GPR55: variants seen among roughly 807,000 people sequenced by gnomAD.
The protein encoded by GPR55 is G-protein coupled receptor 55.
In GPR55, 6 loss-of-function variants were observed where a neutral mutation model predicts 7.9. That is an observed-to-expected ratio of 0.76 (90% CI 0.41 to 1.49). The LOEUF is 1.49. Ranked by LOEUF, GPR55 falls within the 40% of genes most tolerant of loss-of-function variation. The probability of loss-of-function intolerance (pLI) is 0.01; values close to 1 mark genes in which losing one functional copy is unlikely to be tolerated. For missense variants in GPR55, 376 were observed against 406.0 expected, an observed-to-expected ratio of 0.93 and a Z score of 0.63; for synonymous variants, 183 against 166.8, an observed-to-expected ratio of 1.10 and a Z score of -0.75.
chr2:230,932,617 A>G (rs1406754582), intron 1 of GPR55, among the ~76,000 whole-genome samples: 1 of 152,226 alleles, frequency 6.6e-6, no homozygotes, highest in Non-Finnish European at 1.5e-5. Context: ...TTACAAGGAC[A>G]GTCTCCACGT....
intron 1 of GPR55, among the ~76,000 whole-genome samples, chr2:230,934,165 G>A (rs970629547): frequency 3.3e-5 from 5 of 152,104 alleles, no homozygotes; most frequent in Admixed American, 6.5e-5. Context: ...ACCCCTCCCT[G>A]CACTGGCTGT....
At position 230,909,937 on chromosome 2, in the gene GPR55, G is replaced by A. The variant is rs1326059354; in HGVS notation, c.*66C>T. On this transcript the variant is annotated 3_prime_UTR_variant, in exon 2 of 2. Coordinates refer to ENST00000650999, the MANE Select transcript of GPR55 (RefSeq NM_005683.4). ...ATCATCCCACCACATCAAAACCCTG[G>A]AACGCGATATCCGTTACCAGAATTC... 3 of 1,479,670 alleles carry A rather than the reference G, an allele frequency of 2.0e-6. No homozygotes were observed. The highest frequency in any genetic ancestry group is 1.8e-6 in the Non-Finnish European group (2 of 1,084,686). The allele number at this position is 1,479,670 out of a possible 1,614,324, so 91.7% of individuals were successfully genotyped here.
At chr2:230,954,856 A>T (rs1274242377) in intron 1 of GPR55, among the ~76,000 whole-genome samples, 1 of 152,228 alleles carries the variant, frequency 6.6e-6, no homozygotes, top group African/African-American at 2.4e-5. Flanking sequence ...CTTCCATGCC[A>T]CTTGCACTCT....
chr2:230,909,097 C>T lies in GPR55; in HGVS notation c.*906G>A, dbSNP rs1386740560. 19 of 152,322 alleles carry T rather than the reference C, an allele frequency of 1.2e-4. No homozygotes were observed. Among genetic ancestry groups the T allele is most frequent in the Admixed American group, 1.2e-3 (19 of 15,286 alleles). The allele number at this position is 152,322 out of a possible 1,614,324, so 9.4% of individuals were successfully genotyped here. On this transcript the variant is annotated 3_prime_UTR_variant, in exon 2 of 2. Transcript: ENST00000650999. ...CAAGGAAGCTAGCTGTAATGAGCAA[C>T]TTCCCAGTCTGTTTAAGATAGAAAG...
At chr2:230,933,833 T>G (rs1227326419) in intron 1 of GPR55, among the ~76,000 whole-genome samples, 2 of 152,114 alleles carry the variant, frequency 1.3e-5, no homozygotes, top group African/African-American at 4.8e-5. Context: ...GAAGCTCTGC[T>G]GTGGGGGTGG....
At chr2:230,953,480 G>A (rs1463653147) in intron 1 of GPR55, among the ~76,000 whole-genome samples, 2 of 152,172 alleles carry the variant, frequency 1.3e-5, no homozygotes, top group African/African-American at 4.8e-5. Flanking sequence ...AACTGGCTCT[G>A]GAAGCTGGAA....
intron 1 of GPR55, among the ~76,000 whole-genome samples, chr2:230,959,014 T>G (rs1475402289): frequency 1.3e-5 from 2 of 152,220 alleles, no homozygotes; most frequent in South Asian, 2.1e-4. Flanking sequence ...AGAAGTACAG[T>G]GTGCTGTGTG....
chr2:230,935,717 A>G (rs1476723412), intron 1 of GPR55, among the ~76,000 whole-genome samples: 1 of 152,224 alleles, frequency 6.6e-6, no homozygotes, highest in Non-Finnish European at 1.5e-5. Flanking sequence ...ATACCGACAC[A>G]GGGGAATGGA....
chr2:230,930,235 C>A (rs575250409), upstream of GPR55, among the ~76,000 whole-genome samples: 1 of 152,128 alleles, frequency 6.6e-6, no homozygotes, highest in Non-Finnish European at 1.5e-5. Flanking sequence ...GATGGTGGAC[C>A]CTTTTGAAAT....
intron 1 of GPR55, among the ~76,000 whole-genome samples, chr2:230,942,288 T>A (rs1691244573): frequency 6.6e-6 from 1 of 152,022 alleles, no homozygotes. Context: ...CTCCTTCTTC[T>A]GCCTCCTTCT....
chr2:230,917,927 GT>G (rs142423506), intron 1 of GPR55, among the ~76,000 whole-genome samples: 2,158 of 150,696 alleles, frequency 0.014, 54 homozygotes, highest in African/African-American at 0.049. Context: ...TGGATTGGTT[GT>G]TTTAAAAAAA....
intron 1 of GPR55, among the ~76,000 whole-genome samples, chr2:230,953,377 A>G (rs975750319): frequency 6.6e-6 from 1 of 152,222 alleles, no homozygotes; most frequent in African/African-American, 2.4e-5. Context: ...GTAGGGCAGA[A>G]GAGACAGAGG....
intron 1 of GPR55, among the ~76,000 whole-genome samples, chr2:230,912,886 C>T (rs1204024553): frequency 1.3e-5 from 2 of 152,170 alleles, no homozygotes; most frequent in Non-Finnish European, 2.9e-5. Flanking sequence ...ACCCTAAGGC[C>T]TCAACTGTCC....
rs375835602 is a variant in GPR55 at position 230,947,855 on chromosome 2, C to G, written c.-135+12920G>C. On this transcript the variant is annotated intron_variant, in intron 1 of 1. Transcript: ENST00000392039. ...GTGTTCAACTTCAGCTGGTGCCCCCCCTCCAACTCCTAACATAGCCTGCAC... is the reference window on the plus strand; with the variant it reads ...GTGTTCAACTTCAGCTGGTGCCCCCGCTCCAACTCCTAACATAGCCTGCAC... 1.4e-4 allele frequency among the ~76,000 whole-genome samples: 22 copies of G among 152,174 alleles called. 1 individual carries two copies. The East Asian group carries it at 3.3e-3, about 23-fold the overall frequency.
chr2:230,939,327 G>A (rs1332171173), intron 1 of GPR55, among the ~76,000 whole-genome samples: 2 of 152,206 alleles, frequency 1.3e-5, no homozygotes, highest in African/African-American at 4.8e-5. Context: ...GGGGGAGCTG[G>A]GAGATGTCAC....
intron 1 of GPR55, among the ~76,000 whole-genome samples, chr2:230,934,994 A>G (rs78663931): frequency 0.042 from 6,313 of 151,976 alleles, 195 homozygotes; most frequent in East Asian, 0.13. Context: ...CAGGACACAC[A>G]TGGGTTACCT....
In GPR55 at chr2:230,941,464, CAT is replaced by C. The variant is rs146877803; in HGVS notation, c.-135+19309_-135+19310del. ...CTCAACCTGGGCTCTCCCATGGCCACATGTGTTTCTGCCTCCTCTGCCATGGT... is the reference window on the plus strand; with the variant it reads ...CTCAACCTGGGCTCTCCCATGGCCACGTGTTTCTGCCTCCTCTGCCATGGT... On this transcript the variant is annotated intron_variant, in intron 1 of 1. Transcript: ENST00000392039. 8.9e-3 allele frequency among the ~76,000 whole-genome samples: 1,358 copies of C among 152,356 alleles called. 21 individuals carry two copies. The highest frequency in any genetic ancestry group is 0.031 in the African/African-American group (1,276 of 41,582).
Position 230,910,914 on chromosome 2 carries a change from CGTT to C in GPR55, c.46_48del (p.Asn16del). The C allele has an allele frequency of 6.2e-7, 1 of 1,610,176 alleles. No homozygotes were observed. The highest frequency in any genetic ancestry group is 8.5e-7 in the Non-Finnish European group (1 of 1,176,656). The stretch of plus-strand genomic sequence containing the variant: ...GCAAACTGTAGGGTTTTCATCAGCT[CGTT>C]GACACCGTCAAACAGGCAGTCCCCA... On this transcript the variant is annotated inframe_deletion, in exon 2 of 2. Coordinates refer to ENST00000650999, the MANE Select transcript of GPR55 (RefSeq NM_005683.4). This position sits in a 1 kb window ranked among gnomAD's most constrained non-coding sequence, Gnocchi z 5.4.
chr2:230,933,933 TTC>T (rs1157047596), intron 1 of GPR55, among the ~76,000 whole-genome samples: 1 of 152,168 alleles, frequency 6.6e-6, no homozygotes, highest in Non-Finnish European at 1.5e-5. Context: ...TGACTTCAGT[TTC>T]TGAGGCCACA....
Sources: gnomAD v4.1 joint callset for allele counts (sites outside exome capture counted in the v4.1 genomes callset) on GRCh38, gnomAD v4.1.1 for gene constraint, Gnocchi (gnomAD v3.1) non-coding constraint, MANE v1.5 for transcripts, NCBI Gene and HGNC (gene_info 2026-07-23, HGNC 2026-07-21) for gene names.